The following G3BP2 variants were observed in gnomAD, a reference collection of about 807,000 sequenced individuals.
G3BP2 encodes the protein G3BP stress granule assembly factor 2.
In G3BP2, 11 loss-of-function variants were observed where a neutral mutation model predicts 56.7. That is an observed-to-expected ratio of 0.19 (90% confidence interval 0.12 to 0.32). The LOEUF (loss-of-function observed/expected upper bound fraction) is 0.32. G3BP2 is among the 10% of genes least tolerant of loss of function. The pLI, the probability that G3BP2 is intolerant of heterozygous loss-of-function variation, is 1.00. For missense variants in G3BP2, 340 were observed against 610.9 expected (o/e 0.56, Z 4.67); for synonymous variants, 165 against 191.6 (o/e 0.86, Z 1.15).
chr4:75,683,150 T>C (rs888348872), intron 3 of G3BP2, among the ~76,000 whole-genome samples: 2 of 152,150 alleles, frequency 1.3e-5, no homozygotes, highest in African/African-American at 4.8e-5. Flanking sequence ...CACTTCCTTG[T>C]AGAGTCTAGA....
chr4:75,646,322 C>G lies in G3BP2; in HGVS notation c.1176+16G>C. 1 of 1,044,368 alleles carries G rather than the reference C, an allele frequency of 9.6e-7. No individual in the cohort carries two copies. Among genetic ancestry groups the G allele is most frequent in the Non-Finnish European group, 1.5e-6 (1 of 679,736 alleles). 64.7% of individuals were successfully genotyped at this position (1,044,368 alleles called of 1,614,324 possible). A position where few individuals can be genotyped will look rare whatever the true frequency, so the allele number is the denominator to read the frequency against. On this transcript the variant is annotated intron_variant, in intron 11 of 11. Transcript: ENST00000359707. ...GAAATAATAAAGTCTTGAATTATGC[C>G]CTTTAAATCACTTACTTTTGCAATT...
At chr4:75,673,603 C>T (rs540556898), upstream of G3BP2, 10 of 1,231,502 alleles carry the variant, frequency 8.1e-6, no homozygotes, top group African/African-American at 6.2e-5. Context: ...GCCGGGGAAC[C>T]GGAACCGGCC....
chr4:75,659,180 T>G (rs568928147), intron 2 of G3BP2, among the ~76,000 whole-genome samples: 20 of 152,332 alleles, frequency 1.3e-4, no homozygotes, highest in Admixed American at 4.6e-4. Flanking sequence ...GCACAGTAAG[T>G]AGACAATCAT....
chr4:75,690,250 A>G (rs1022509555), intron 3 of G3BP2, among the ~76,000 whole-genome samples: 7 of 152,166 alleles, frequency 4.6e-5, no homozygotes, highest in African/African-American at 1.7e-4. Context: ...CCTGGCCAAC[A>G]TGGCAAAACC....
intron 3 of G3BP2, among the ~76,000 whole-genome samples, chr4:75,713,493 A>C (rs1356393393): frequency 6.6e-6 from 1 of 152,212 alleles, no homozygotes; most frequent in Non-Finnish European, 1.5e-5. Flanking sequence ...ATCAAAAGTG[A>C]TATCACTGGC....
At chr4:75,651,626 G>A (rs1731706145) in intron 8 of G3BP2, among the ~76,000 whole-genome samples, 1 of 152,182 alleles carries the variant, frequency 6.6e-6, no homozygotes, top group Non-Finnish European at 1.5e-5. Context: ...CAGGTCTCCA[G>A]TTTCATGATT....
At chr4:75,699,079 T>G (rs1312268814) in intron 3 of G3BP2, among the ~76,000 whole-genome samples, 1 of 152,174 alleles carries the variant, frequency 6.6e-6, no homozygotes, top group African/African-American at 2.4e-5. Context: ...TTCAATACAC[T>G]GTGCTCCTGT....
intron 3 of G3BP2, among the ~76,000 whole-genome samples, chr4:75,681,421 C>T (rs1253165985): frequency 2.0e-5 from 3 of 152,042 alleles, no homozygotes; most frequent in African/African-American, 7.2e-5. Context: ...ATTCCAGGAC[C>T]CTCAGTGGAT....
chr4:75,691,764 G>A (rs1011831214), intron 3 of G3BP2, among the ~76,000 whole-genome samples: 8 of 152,100 alleles, frequency 5.3e-5, no homozygotes, highest in African/African-American at 1.9e-4. Flanking sequence ...TATTTAATTG[G>A]CTGGGGTGCA....
chr4:75,681,198 C>CCTA (rs1195871868), intron 3 of G3BP2, among the ~76,000 whole-genome samples: 1 of 151,562 alleles, frequency 6.6e-6, no homozygotes, highest in African/African-American at 2.4e-5. Context: ...GTGGCATGCA[C>CCTA]CTGTAGTCCC....
chr4:75,714,560 G>A (rs1399589593), intron 3 of G3BP2, among the ~76,000 whole-genome samples: 4 of 152,072 alleles, frequency 2.6e-5, no homozygotes, highest in Non-Finnish European at 4.4e-5. Context: ...CCCGGGAGGC[G>A]AAGGTTGCAG....
upstream of G3BP2, among the ~76,000 whole-genome samples, chr4:75,674,813 C>T (rs969033159): frequency 2.0e-5 from 3 of 149,666 alleles, no homozygotes; most frequent in African/African-American, 4.9e-5. Flanking sequence ...ACCTCCGCCT[C>T]CCGGGTTCAA....
chr4:75,688,875 T>G (rs1718732707), intron 3 of G3BP2, among the ~76,000 whole-genome samples: 1 of 152,248 alleles, frequency 6.6e-6, no homozygotes, highest in Admixed American at 6.5e-5. Flanking sequence ...TTCAAAAGCA[T>G]GACAATCAAT....
chr4:75,665,637 AC>A (rs1361394888), intron 1 of G3BP2, among the ~76,000 whole-genome samples: 6 of 36,532 alleles, frequency 1.6e-4, no homozygotes, highest in African/African-American at 4.7e-4. Context: ...ACACACACAC[AC>A]ACACAAACAC....
chr4:75,646,362 TG>T lies in G3BP2; in HGVS notation c.1151del (p.Pro384GlnfsTer6). The T allele has an allele frequency of 6.5e-7, 1 of 1,538,722 alleles. No individual in the cohort carries two copies. The highest frequency in any genetic ancestry group is 8.9e-7 in the Non-Finnish European group (1 of 1,123,610). ...CTTTTGCAATTAAGATTCTCTGAAC[TG>T]GTTCAGAGTCATCAAAAACCACAAA... Reference protein sequence around the residue: ...FGFVVFDDSEPVQRILIAKPI... With the variant: ...FGFVVFDDSEXVQRILIAKPI... On this transcript the variant is annotated frameshift_variant, in exon 11 of 12. Coordinates refer to ENST00000359707, the MANE Select transcript of G3BP2 (RefSeq NM_203505.3). LOFTEE classifies it high-confidence loss of function.
At chr4:75,669,836 T>G (rs1733343575) in intron 1 of G3BP2, among the ~76,000 whole-genome samples, 1 of 152,228 alleles carries the variant, frequency 6.6e-6, no homozygotes, top group South Asian at 2.1e-4. Flanking sequence ...CTCACGCCTG[T>G]AATTCTAGCA....
At position 75,645,262 on chromosome 4, in the gene G3BP2, T is replaced by C. The variant is rs1333693322; in HGVS notation, c.*168A>G. ...TAACAATGTGAATCCTGTTGTGAAA[T>C]TGGGGAAATAATGTCCACCTCAATT... On this transcript the variant is annotated 3_prime_UTR_variant, in exon 12 of 12. Transcript: ENST00000359707. 1.1e-5 allele frequency: 7 copies of C among 616,708 alleles called. No homozygotes were observed. The highest frequency in any genetic ancestry group is 3.1e-5 in the Admixed American group (1 of 32,282). 38.2% of individuals were successfully genotyped at this position (616,708 alleles called of 1,614,324 possible).
At chr4:75,667,281 C>A (rs1578406836) in intron 1 of G3BP2, among the ~76,000 whole-genome samples, 3 of 100,724 alleles carry the variant, frequency 3.0e-5, no homozygotes, top group South Asian at 3.0e-4. Flanking sequence ...AGGAGTGAGA[C>A]ACTGTTTAAA....
chr4:75,697,992 T>A (rs1719192815), intron 3 of G3BP2, among the ~76,000 whole-genome samples: 1 of 152,164 alleles, frequency 6.6e-6, no homozygotes, highest in Non-Finnish European at 1.5e-5. Context: ...TTATACATTT[T>A]TATATATAAG....
Sources: allele counts gnomAD v4.1 joint callset (sites outside exome capture counted in the v4.1 genomes callset), GRCh38; gene constraint gnomAD v4.1.1; transcripts MANE v1.5; gene names NCBI Gene and HGNC (gene_info 2026-07-23, HGNC 2026-07-21).